The following TMPRSS15 variants were observed in gnomAD, a reference collection of about 807,000 sequenced individuals.
TMPRSS15 encodes the protein enteropeptidase.
TMPRSS15 carries 128 observed loss-of-function variants against 125.3 expected under a neutral mutation model. That is an observed-to-expected ratio of 1.02 (90% CI 0.89 to 1.18). TMPRSS15 has a LOEUF of 1.18. Ranked by LOEUF, TMPRSS15 falls within the 50% of genes most tolerant of loss-of-function variation. The pLI is 0.00. For missense variants in TMPRSS15, 1,283 were observed against 1,212.7 expected, an observed-to-expected ratio of 1.06 and a Z score of -0.86; for synonymous variants, 446 against 423.2, an observed-to-expected ratio of 1.05 and a Z score of -0.66.
intron 19 of TMPRSS15, among the ~76,000 whole-genome samples, chr21:18,295,940 C>G (rs1351901408): frequency 1.3e-5 from 2 of 152,142 alleles, no homozygotes; most frequent in Admixed American, 6.5e-5. Context: ...ATCACGAGGT[C>G]AGGAGATCGA....
intron 18 of TMPRSS15, among the ~76,000 whole-genome samples, chr21:18,298,801 C>T (rs1439301040): frequency 6.6e-6 from 1 of 152,138 alleles, no homozygotes; most frequent in Non-Finnish European, 1.5e-5. Flanking sequence ...AAAGAAGCCC[C>T]AATGTCTTCC....
intron 1 of TMPRSS15, among the ~76,000 whole-genome samples, chr21:18,425,822 T>G (rs1413191450): frequency 6.6e-6 from 1 of 152,140 alleles, no homozygotes; most frequent in African/African-American, 2.4e-5. Context: ...TTCAGATGCA[T>G]CAGTATTCTG....
At chr21:18,429,696 C>G (rs991072778) in intron 1 of TMPRSS15, among the ~76,000 whole-genome samples, 62 of 152,274 alleles carry the variant, frequency 4.1e-4, no homozygotes, top group South Asian at 3.1e-3. Context: ...CCAATTAAAC[C>G]TCTTTTTCTT....
chr21:18,383,803 A>G (rs2075916611), intron 3 of TMPRSS15, 25 bp from the exon 4 acceptor site: 1 of 1,609,152 alleles, frequency 6.2e-7, no homozygotes, highest in African/African-American at 1.3e-5. Context: ...AGGATATAAG[A>G]GGAAAAAGTC....
intron 3 of TMPRSS15, among the ~76,000 whole-genome samples, chr21:18,387,539 A>T (rs941660082): frequency 6.6e-6 from 1 of 152,012 alleles, no homozygotes; most frequent in Non-Finnish European, 1.5e-5. Context: ...CACAAAGCAG[A>T]ATGAATGAAA....
intron 6 of TMPRSS15, among the ~76,000 whole-genome samples, chr21:18,370,109 C>T (rs1185804295): frequency 1.3e-5 from 2 of 151,924 alleles, no homozygotes; most frequent in Admixed American, 1.3e-4. Flanking sequence ...AGTAACAACG[C>T]AGTTTGACTA....
chr21:18,278,252 A>G (rs1054798312), intron 23 of TMPRSS15, among the ~76,000 whole-genome samples: 1 of 152,142 alleles, frequency 6.6e-6, no homozygotes, highest in East Asian at 1.9e-4. Flanking sequence ...TGTGCTTTAC[A>G]AAAATAAATT....
At chr21:18,385,101 T>A (rs1304730747) in intron 3 of TMPRSS15, among the ~76,000 whole-genome samples, 2 of 152,166 alleles carry the variant, frequency 1.3e-5, no homozygotes, top group East Asian at 3.8e-4. Flanking sequence ...TGATATAATA[T>A]TTTTATAATT....
intron 1 of TMPRSS15, among the ~76,000 whole-genome samples, chr21:18,477,893 T>C (rs1433761070): frequency 6.6e-6 from 1 of 152,040 alleles, no homozygotes; most frequent in Non-Finnish European, 1.5e-5. Flanking sequence ...ACTCCAATCC[T>C]GTGTTTAAAA....
chr21:18,367,291 G>T (rs577054268), intron 6 of TMPRSS15, among the ~76,000 whole-genome samples: 11 of 152,180 alleles, frequency 7.2e-5, no homozygotes, highest in Non-Finnish European at 1.2e-4. Flanking sequence ...TATGCATAAT[G>T]ATTACTGCAA....
chr21:18,437,673 G>A (rs967947855), intron 1 of TMPRSS15, among the ~76,000 whole-genome samples: 3 of 152,120 alleles, frequency 2.0e-5, no homozygotes, highest in Non-Finnish European at 4.4e-5. Flanking sequence ...AAGGATATGA[G>A]CGGACACTTC....
chr21:18,437,136 A>G (rs201644739), intron 1 of TMPRSS15, among the ~76,000 whole-genome samples: 44,731 of 147,650 alleles, frequency 0.3, 8,193 homozygotes, highest in East Asian at 0.75. Context: ...GATATAGATC[A>G]ATGGAACAGA....
intron 1 of TMPRSS15, among the ~76,000 whole-genome samples, chr21:18,420,838 A>T (rs1458692108): frequency 6.6e-6 from 1 of 152,158 alleles, no homozygotes; most frequent in African/African-American, 2.4e-5. Context: ...TCTGCTATGT[A>T]GGCTTTCTCC....
intron 1 of TMPRSS15, 63 bp downstream of exon 1, chr21:18,403,415 C>T (rs1162210429): frequency 2.5e-6 from 4 of 1,605,800 alleles, no homozygotes; most frequent in South Asian, 1.1e-5. Flanking sequence ...TACAGAATAA[C>T]TGACACTAAA....
intron 18 of TMPRSS15, among the ~76,000 whole-genome samples, chr21:18,299,537 G>A (rs536455738): frequency 8.3e-4 from 127 of 152,324 alleles, no homozygotes; most frequent in African/African-American, 2.8e-3. Flanking sequence ...ACTGGAATTC[G>A]TTGATTCGTG....
intron 21 of TMPRSS15, among the ~76,000 whole-genome samples, chr21:18,291,794 T>C (rs1279297691): frequency 1.3e-5 from 2 of 152,030 alleles, no homozygotes; most frequent in East Asian, 1.9e-4. Context: ...GAGAGTAAAA[T>C]GCGTGGTTGG....
Position 18,278,835 on chromosome 21 carries a change from G to A in TMPRSS15, c.2764+129C>T, listed in dbSNP as rs150379645. 3.1e-5 allele frequency: 19 copies of A among 616,910 alleles called. No homozygotes were observed. The East Asian group carries it at 5.2e-4, about 17-fold the overall frequency. 38.2% of individuals were successfully genotyped at this position (616,910 alleles called of 1,614,324 possible). On this transcript the variant is annotated intron_variant, in intron 23 of 24. Transcript: ENST00000284885. The stretch of plus-strand genomic sequence containing the variant: ...ATGTACATGCTTGACGGTACTTTTA[G>A]GAGATATTGAAAAAACTGTTATATA...
intron 3 of TMPRSS15, among the ~76,000 whole-genome samples, chr21:18,384,988 T>A (rs1378355445): frequency 6.6e-6 from 1 of 151,938 alleles, no homozygotes; most frequent in African/African-American, 2.4e-5. Context: ...CTAGGGGGAG[T>A]ATATTCCTTC....
chr21:18,354,712 G>GA (rs1380907876), intron 8 of TMPRSS15, among the ~76,000 whole-genome samples: 1 of 151,552 alleles, frequency 6.6e-6, no homozygotes, highest in African/African-American at 2.4e-5. Context: ...GGAGCTGTTA[G>GA]AAAAAAACAA....
Sources: allele counts gnomAD v4.1 joint callset (sites outside exome capture counted in the v4.1 genomes callset), GRCh38; gene constraint gnomAD v4.1.1; transcripts MANE v1.5; gene names NCBI Gene and HGNC (gene_info 2026-07-23, HGNC 2026-07-21).